The following ADGRE3 variants were observed in gnomAD, a reference collection of about 807,000 sequenced individuals.
The protein encoded by ADGRE3 is EGF-like module receptor 3.
Under a neutral mutation model 80.1 loss-of-function variants are expected in ADGRE3, and 88 were observed. That is an observed-to-expected ratio of 1.10 (90% CI 0.93 to 1.31). ADGRE3 has a LOEUF of 1.31. Ranked by LOEUF, ADGRE3 falls within the 40% of genes most tolerant of loss-of-function variation. The pLI, the probability that ADGRE3 is intolerant of heterozygous loss-of-function variation, is 0.00. For missense variants in ADGRE3, 715 were observed against 776.5 expected (o/e 0.92, Z 0.94); for synonymous variants, 281 against 294.8 (o/e 0.95, Z 0.48).
At chr19:14,655,664 G>A (rs1971734689) in intron 5 of ADGRE3, among the ~76,000 whole-genome samples, 1 of 151,366 alleles carries the variant, frequency 6.6e-6, no homozygotes, top group Non-Finnish European at 1.5e-5. Flanking sequence ...GTCTTGCTAT[G>A]TTGCCCAGGC....
the ADGRE3 span, among the ~76,000 whole-genome samples, chr19:14,601,917 C>T: frequency 0.11 from 16,903 of 151,940 alleles, 1,067 homozygotes; most frequent in African/African-American, 0.16. Context: ...TTCAGCCTCC[C>T]GAGTAGCTGG....
At chr19:14,658,728 AT>A in intron 4 of ADGRE3, among the ~76,000 whole-genome samples, 178 bp from the exon 5 acceptor site, 1 of 151,888 alleles carries the variant, frequency 6.6e-6, no homozygotes, top group Non-Finnish European at 1.5e-5. Flanking sequence ...TATTTAAAAA[AT>A]TTTTTATTTT....
At chr19:14,645,019 C>T (rs541393891) in intron 8 of ADGRE3, among the ~76,000 whole-genome samples, 1 of 152,142 alleles carries the variant, frequency 6.6e-6, no homozygotes, top group African/African-American at 2.4e-5. Context: ...AGCCGCTGTA[C>T]CTGATTTCTA....
intron 15 of ADGRE3, among the ~76,000 whole-genome samples, chr19:14,620,475 GA>G (rs1970528586): frequency 1.3e-4 from 4 of 31,680 alleles, no homozygotes; most frequent in South Asian, 1.1e-3. Context: ...AATATATTAT[GA>G]GTACATATGA....
chr19:14,642,741 G>A (rs1971287393), intron 9 of ADGRE3, among the ~76,000 whole-genome samples: 1 of 152,150 alleles, frequency 6.6e-6, no homozygotes, highest in African/African-American at 2.4e-5. Flanking sequence ...TCCCTGCAAA[G>A]GACATGATCT....
chr19:14,672,993 G>T (rs557785951), intron 1 of ADGRE3, among the ~76,000 whole-genome samples: 14 of 152,254 alleles, frequency 9.2e-5, no homozygotes, highest in African/African-American at 3.4e-4. Context: ...AAAGTTCCTG[G>T]ATAACCAAAA....
rs541393891 is a variant in ADGRE3 at position 14,645,019 on chromosome 19, C to A, written c.883-744G>T. ...GTGGTTATGGGCATGAGCCGCTGTA[C>A]CTGATTTCTATTTTATGCGGCCACC... On this transcript the variant is annotated intron_variant, in intron 8 of 15. Transcript: ENST00000253673. 2.0e-5 allele frequency among the ~76,000 whole-genome samples: 3 copies of A among 152,260 alleles called. No homozygotes were observed. The East Asian group carries it at 5.8e-4, about 29-fold the overall frequency.
the ADGRE3 span, among the ~76,000 whole-genome samples, chr19:14,607,394 G>A: frequency 8.2e-4 from 124 of 151,524 alleles, no homozygotes; most frequent in African/African-American, 2.4e-3. Flanking sequence ...TAGTAGAGAC[G>A]GGGTTTCACC....
At chr19:14,603,503 A>G in the ADGRE3 span, among the ~76,000 whole-genome samples, 1 of 152,110 alleles carries the variant, frequency 6.6e-6, no homozygotes, top group African/African-American at 2.4e-5. Context: ...TCTGTTGCCC[A>G]GGCTGGAGTG....
At chr19:14,644,756 C>T (rs1243464042) in intron 8 of ADGRE3, among the ~76,000 whole-genome samples, 1 of 151,014 alleles carries the variant, frequency 6.6e-6, no homozygotes, top group African/African-American at 2.4e-5. Context: ...GACGGGGTCT[C>T]ATTCTGTCAC....
chr19:14,625,403 A>G, intron 15 of ADGRE3, 89 bp downstream of exon 15: 1 of 893,614 alleles, frequency 1.1e-6, no homozygotes. Context: ...ACAAAAACAA[A>G]CAAACAAAAA....
chr19:14,647,507 C>G (rs1281237230), intron 7 of ADGRE3, 142 bp from the exon 8 acceptor site: 1 of 617,054 alleles, frequency 1.6e-6, no homozygotes, highest in Non-Finnish European at 2.7e-6. Context: ...ACCTCCGCCT[C>G]CCGGGTTCAA....
chr19:14,605,316 G>A, the ADGRE3 span, among the ~76,000 whole-genome samples: 31 of 150,980 alleles, frequency 2.1e-4, 1 homozygote, highest in Non-Finnish European at 4.3e-4. Flanking sequence ...AGCTGGTCTC[G>A]AACTCCTGAC....
chr19:14,620,548 T>TAATATATATATATATATATATATATA, intron 15 of ADGRE3, among the ~76,000 whole-genome samples: 2 of 24,970 alleles, frequency 8.0e-5, no homozygotes, highest in African/African-American at 2.1e-4. Context: ...TATATATATA[T>TAATATATATATATATATATATATATA]TATATATATA....
intron 11 of ADGRE3, among the ~76,000 whole-genome samples, chr19:14,636,137 T>C (rs757880934): frequency 0.03 from 939 of 31,326 alleles, 140 homozygotes; most frequent in South Asian, 0.07. Flanking sequence ...TTTCTTTCTT[T>C]CTTTCTTTCT....
At position 14,636,080 on chromosome 19, in the gene ADGRE3, C is replaced by CTTTT. The variant is rs1568481116; in HGVS notation, c.1484+2024_1484+2025insAAAA. Among the ~76,000 whole-genome samples, 24 of 42,690 alleles carry CTTTT rather than the reference C, an allele frequency of 5.6e-4. 1 individual carries two copies. The highest frequency in any genetic ancestry group is 1.1e-3 in the African/African-American group (14 of 12,466). The allele number at this position is 42,690 out of a possible 152,430, so 28.0% of individuals were successfully genotyped here. On this transcript the variant is annotated intron_variant, in intron 11 of 15. Transcript: ENST00000253673. ...TCCTTCCTTTCCTTTCCTTTCCTTT[C>CTTTT]CCTTTCTTTCTTTCTTTCTTTCTTT... is the stretch of plus-strand genomic sequence containing the variant.
At position 14,644,697 on chromosome 19, in the gene ADGRE3, T is replaced by C. The variant is rs74696681; in HGVS notation, c.883-422A>G. 1.7e-3 allele frequency among the ~76,000 whole-genome samples: 259 copies of C among 152,234 alleles called. 3 individuals carry two copies. The highest frequency in any genetic ancestry group is 6.1e-3 in the African/African-American group (253 of 41,556). On this transcript the variant is annotated intron_variant, in intron 8 of 15. Transcript: ENST00000253673. ...CCAGGGTGCCACCTGCTAAGGCACC[T>C]GTGTGAAGAGTGACTCAGGTGATTT...
chr19:14,636,140 T>TCC (rs1281719399), intron 11 of ADGRE3, among the ~76,000 whole-genome samples: 1,327 of 93,540 alleles, frequency 0.014, 210 homozygotes, highest in African/African-American at 0.021. Context: ...CTTTCTTTCT[T>TCC]TCTTTCTTTC....
At chr19:14,617,341 C>CCTCTCTCTCTCTCTCTTTCTCTCTTT, downstream of ADGRE3, among the ~76,000 whole-genome samples, 1 of 57,170 alleles carries the variant, frequency 1.7e-5, no homozygotes, top group African/African-American at 5.9e-5. Context: ...TCCCTCCCTC[C>CCTCTCTCTCTCTCTCTTTCTCTCTTT]CTTTCTTTCT....
Sources: gnomAD v4.1 joint callset for allele counts (sites outside exome capture counted in the v4.1 genomes callset) on GRCh38, gnomAD v4.1.1 for gene constraint, MANE v1.5 for transcripts, NCBI Gene and HGNC (gene_info 2026-07-23, HGNC 2026-07-21) for gene names.